Variants in ADAMTS12 observed in about 807,000 individuals in gnomAD.
ADAMTS12 encodes A disintegrin and metalloproteinase with thrombospondin motifs 12.
Under a neutral mutation model 167.8 loss-of-function variants are expected in ADAMTS12, and 118 were observed. That is an observed-to-expected ratio of 0.70 (90% CI 0.61 to 0.82). The LOEUF is 0.82. Ranked by LOEUF, ADAMTS12 falls within the 40% of genes least tolerant of loss-of-function variation. The pLI is 0.00. For synonymous variants in ADAMTS12, 704 were observed against 716.9 expected (o/e 0.98, Z 0.29); for missense variants, 1,916 against 1,998.8 (o/e 0.96, Z 0.79).
Position 33,559,628 on chromosome 5 carries a change from C to T in ADAMTS12, c.4125+1399G>A, listed in dbSNP as rs142040856. Among the ~76,000 whole-genome samples the T allele has an allele frequency of 5.8e-3, 890 of 152,336 alleles. 10 individuals carry two copies. Among genetic ancestry groups the T allele is most frequent in the Non-Finnish European group, 7.8e-3 (531 of 68,042 alleles). On this transcript the variant is annotated intron_variant, in intron 20 of 23. Transcript: ENST00000504830. ...GGGTGTGGTGGCTTACGCCTGCAATCTCAGCACTTTGGAAGGCCAAGGCAG... is the reference window on the plus strand; with the variant it reads ...GGGTGTGGTGGCTTACGCCTGCAATTTCAGCACTTTGGAAGGCCAAGGCAG...
intron 16 of ADAMTS12, among the ~76,000 whole-genome samples, chr5:33,596,359 T>C (rs1047754928): frequency 1.3e-5 from 2 of 152,076 alleles, no homozygotes; most frequent in African/African-American, 4.8e-5. Flanking sequence ...AACACACACA[T>C]GCCAGGTGGA....
intron 3 of ADAMTS12, among the ~76,000 whole-genome samples, chr5:33,737,216 C>T (rs1022364877): frequency 6.6e-6 from 1 of 152,176 alleles, no homozygotes; most frequent in Non-Finnish European, 1.5e-5. Context: ...GGTTGACAGG[C>T]CCCTGTAAGA....
At chr5:33,734,948 G>A (rs1019603401) in intron 3 of ADAMTS12, among the ~76,000 whole-genome samples, 5 of 152,204 alleles carry the variant, frequency 3.3e-5, no homozygotes. Flanking sequence ...AAGATACCTT[G>A]CATGTACCTT....
intron 16 of ADAMTS12, among the ~76,000 whole-genome samples, chr5:33,610,040 A>G (rs928303334): frequency 6.6e-6 from 1 of 152,120 alleles, no homozygotes; most frequent in African/African-American, 2.4e-5. Context: ...TTAGCCAGGC[A>G]TGGTGGCGCA....
chr5:33,700,630 AAAAATATACTTGCGAT>A (rs937523138), intron 3 of ADAMTS12, among the ~76,000 whole-genome samples: 4 of 152,174 alleles, frequency 2.6e-5, no homozygotes, highest in African/African-American at 9.7e-5. Context: ...GTGGATGCAC[AAAAATATACTTGCGAT>A]AAAACCATAC....
chr5:33,563,577 A>AGCACCATAT (rs1255563289), intron 19 of ADAMTS12, among the ~76,000 whole-genome samples: 10 of 152,198 alleles, frequency 6.6e-5, no homozygotes, highest in African/African-American at 1.7e-4. Flanking sequence ...GGTTCACATC[A>AGCACCATAT]GCACCATATG....
At chr5:33,603,607 G>C (rs970926404) in intron 16 of ADAMTS12, 3 of 152,200 alleles carry the variant, frequency 2.0e-5, no homozygotes, top group African/African-American at 7.2e-5. Context: ...GCTGTCACTG[G>C]TGTTCTCTGA....
chr5:33,686,940 G>C (rs71631087), intron 3 of ADAMTS12, among the ~76,000 whole-genome samples: 4 of 110,486 alleles, frequency 3.6e-5, no homozygotes, highest in Admixed American at 3.6e-4. Flanking sequence ...TATATATAGA[G>C]AGAGAGAGAG....
chr5:33,599,525 C>T (rs371131641), intron 16 of ADAMTS12, among the ~76,000 whole-genome samples: 2 of 151,698 alleles, frequency 1.3e-5, no homozygotes. Context: ...GGCACTATCT[C>T]TTTAACTGCT....
At chr5:33,588,941 G>A in intron 17 of ADAMTS12, 132 bp from the exon 18 acceptor site, 2 of 1,100,850 alleles carry the variant, frequency 1.8e-6, no homozygotes, top group Non-Finnish European at 2.6e-6. Flanking sequence ...CAACCCACTA[G>A]GGGGCGTGCT....
At chr5:33,713,926 TC>T (rs1469167684) in intron 3 of ADAMTS12, among the ~76,000 whole-genome samples, 1 of 152,146 alleles carries the variant, frequency 6.6e-6, no homozygotes, top group East Asian at 1.9e-4. Flanking sequence ...GTCTTAAAGA[TC>T]TCGTTTCTGA....
intron 20 of ADAMTS12, among the ~76,000 whole-genome samples, chr5:33,559,290 G>T (rs1168277755): frequency 6.6e-6 from 1 of 152,116 alleles, no homozygotes; most frequent in Non-Finnish European, 1.5e-5. Flanking sequence ...GGCTTCCTAG[G>T]GTTGATCATG....
At chr5:33,835,136 T>C (rs1178006634) in intron 2 of ADAMTS12, among the ~76,000 whole-genome samples, 5 of 152,210 alleles carry the variant, frequency 3.3e-5, no homozygotes, top group Non-Finnish European at 7.3e-5. Flanking sequence ...ACAGAGAAGT[T>C]ACTTGTCCAA....
intron 2 of ADAMTS12, among the ~76,000 whole-genome samples, chr5:33,784,131 A>G (rs1415947786): frequency 6.6e-6 from 1 of 151,946 alleles, no homozygotes; most frequent in East Asian, 1.9e-4. Flanking sequence ...ATAGATGTAG[A>G]AAAGTCCTTG....
chr5:33,617,230 T>A (rs796490963), intron 14 of ADAMTS12, among the ~76,000 whole-genome samples: 21 of 151,524 alleles, frequency 1.4e-4, no homozygotes, highest in East Asian at 1.2e-3. Flanking sequence ...TTTTTTTTTT[T>A]AAATATAAAA....
chr5:33,649,819 G>C (rs1740811099), intron 7 of ADAMTS12, 122 bp from the exon 8 acceptor site: 5 of 1,288,920 alleles, frequency 3.9e-6, no homozygotes, highest in Non-Finnish European at 1.0e-6. Flanking sequence ...GAAGGCAACT[G>C]TTTGCAAAGT....
chr5:33,855,224 G>A (rs1049758664), intron 2 of ADAMTS12, among the ~76,000 whole-genome samples: 3 of 152,216 alleles, frequency 2.0e-5, no homozygotes, highest in African/African-American at 7.2e-5. Context: ...GAGTAACGTG[G>A]TATGAGGCAT....
At chr5:33,723,437 C>A (rs1743871299) in intron 3 of ADAMTS12, among the ~76,000 whole-genome samples, 1 of 152,116 alleles carries the variant, frequency 6.6e-6, no homozygotes. Context: ...TCCAAATGTG[C>A]ATAGATCTCT....
chr5:33,857,692 A>T (rs1749460445), intron 2 of ADAMTS12, among the ~76,000 whole-genome samples: 1 of 152,214 alleles, frequency 6.6e-6, no homozygotes, highest in Non-Finnish European at 1.5e-5. Flanking sequence ...AATTGGAATT[A>T]TATTTACTTC....
Sources: gnomAD v4.1 joint callset for allele counts (sites outside exome capture counted in the v4.1 genomes callset) on GRCh38, gnomAD v4.1.1 for gene constraint, MANE v1.5 for transcripts, NCBI Gene and HGNC (gene_info 2026-07-23, HGNC 2026-07-21) for gene names.